MUC4: variants seen among roughly 807,000 people sequenced by gnomAD.
MUC4 encodes the protein mucin-4.
MUC4 carries 202 observed loss-of-function variants against 257.9 expected under a neutral mutation model. That is an observed-to-expected ratio of 0.78 (90% CI 0.70 to 0.88). The LOEUF (loss-of-function observed/expected upper bound fraction) is 0.88. Ranked by LOEUF, MUC4 falls within the 40% of genes least tolerant of loss-of-function variation. The pLI is 0.00. For missense variants in MUC4, 5,976 were observed against 6,513.7 expected, an observed-to-expected ratio of 0.92 and a Z score of 2.84; for synonymous variants, 2,351 against 2,757.1, an observed-to-expected ratio of 0.85 and a Z score of 4.62.
intron 14 of MUC4, 65 bp downstream of exon 14, chr3:195,762,022 G>C: frequency 2.0e-6 from 3 of 1,506,398 alleles, no homozygotes; most frequent in Non-Finnish European, 2.7e-6. Flanking sequence ...CCGGGCCGCC[G>C]GCGTGGGGGT....
Position 195,782,182 on chromosome 3 carries a change from T to C in MUC4, c.9398A>G (p.Gln3133Arg). 7.2e-7 allele frequency: 1 copy of C among 1,383,166 alleles called. No individual in the cohort carries two copies. The allele number at this position is 1,383,166 out of a possible 1,614,324, so 85.7% of individuals were successfully genotyped here. ...VTDTSSASTG[Q>R]ATALPVTSTS... Reference sequence around the variant, plus strand: ...GCTGGTGACAGGAAGAGCGGTGGCCTGACCTGTGGATGCTGAGGAAGTGTC... The same window carrying C: ...GCTGGTGACAGGAAGAGCGGTGGCCCGACCTGTGGATGCTGAGGAAGTGTC... Residue 3133 changes from glutamine (Q) to arginine (R), a missense_variant, in exon 2 of 25, where the codon CAG (glutamine) becomes CGG (arginine). Coordinates refer to ENST00000463781, the MANE Select transcript of MUC4 (RefSeq NM_018406.7).
intron 20 of MUC4, 175 bp from the exon 21 acceptor site, chr3:195,752,621 A>T (rs1459282970): frequency 1.8e-5 from 11 of 625,000 alleles, no homozygotes; most frequent in Non-Finnish European, 3.2e-5. Flanking sequence ...TCGCTGAAGA[A>T]ACCGGGAGAA....
chr3:195,748,661 A>G (rs1308099880), intron 24 of MUC4, among the ~76,000 whole-genome samples: 11 of 152,282 alleles, frequency 7.2e-5, no homozygotes, highest in Non-Finnish European at 1.5e-4. Context: ...TCTAAGCTGC[A>G]GTTTTCTCAT....
In MUC4 at chr3:195,771,828, G is replaced by C. The variant is rs1722945015; in HGVS notation, c.13078-12C>G. On this transcript the variant is annotated splice_polypyrimidine_tract_variant and intron_variant, in intron 4 of 24. Coordinates refer to ENST00000463781, the MANE Select transcript of MUC4 (RefSeq NM_018406.7). ...CCATTGTCTGTGAACTGAGCACATG[G>C]GTTTTGTGGTCAGCATTCAGGGAGG... 1.9e-6 allele frequency: 3 copies of C among 1,611,714 alleles called. No individual in the cohort carries two copies. In the East Asian group the frequency reaches 6.7e-5, roughly 36 times the overall value.
At chr3:195,803,031 C>T (rs1735549753) in intron 1 of MUC4, among the ~76,000 whole-genome samples, 1 of 152,136 alleles carries the variant, frequency 6.6e-6, no homozygotes, top group Non-Finnish European at 1.5e-5. Flanking sequence ...GTATACACTC[C>T]CTCCCTTTTC....
In MUC4 at chr3:195,754,278, C is replaced by A; in HGVS notation, c.15263G>T (p.Cys5088Phe). ...GGCCTCGCAGCCCTTCCCAGGAACG[C>A]AGTGGACACTCGGGAAGCACGGCTC... ...CEEPCFPSVH[C>F]VPGKGCEACP... is the part of the protein sequence containing the mutation. Residue 5088 changes from cysteine (C) to phenylalanine (F), a missense_variant, in exon 19 of 25, where the codon TGC becomes TTC. Cys to Phe is a radical substitution (Grantham distance 205). This residue lies in a region of MUC4 where 996 missense variants were observed against 1,137.3 expected (regional missense o/e 0.88). Coordinates refer to ENST00000463781, the MANE Select transcript of MUC4 (RefSeq NM_018406.7). 2 of 1,614,044 alleles carry A rather than the reference C, an allele frequency of 1.2e-6. No individual in the cohort carries two copies. The highest frequency in any genetic ancestry group is 1.7e-6 in the Non-Finnish European group (2 of 1,180,008).
rs770716697 is a variant in MUC4, at chr3:195,779,133, G to A, written c.12447C>T (p.Ile4149=). ...TGDTTPLPVT[I]PSSASSGHTT... ...TGTGACCTGAGGATGCTGAGGAAGG[G>A]ATGGTGACAGGAAGAGGCGTGGTGT... is the stretch of plus-strand genomic sequence containing the variant. The change falls in exon 2 of 25, where the codon ATC becomes ATT. Residue 4149 remains isoleucine (I), a synonymous_variant. Coordinates refer to ENST00000463781, the MANE Select transcript of MUC4 (RefSeq NM_018406.7). 65 of 1,519,614 alleles carry A rather than the reference G, an allele frequency of 4.3e-5. 6 individuals are homozygous for A. Among genetic ancestry groups the A allele is most frequent in the Admixed American group, 2.0e-5 (1 of 49,266 alleles). 94.1% of individuals were successfully genotyped at this position (1,519,614 alleles called of 1,614,324 possible). A position where few individuals can be genotyped will look rare whatever the true frequency, so the allele number is the denominator to read the frequency against.
intron 1 of MUC4, among the ~76,000 whole-genome samples, chr3:195,802,197 C>T (rs747397177): frequency 3.7e-4 from 57 of 152,222 alleles, no homozygotes; most frequent in Non-Finnish European, 1.2e-4. Context: ...CCCAGACATC[C>T]AGCCCAGAAA....
At chr3:195,762,309 C>T in intron 13 of MUC4, 55 bp from the exon 14 acceptor site, 1 of 1,505,092 alleles carries the variant, frequency 6.6e-7, no homozygotes, top group Non-Finnish European at 8.9e-7. Context: ...CGGCCCGCAC[C>T]AAACCCGCGC....
intron 12 of MUC4, 48 bp from the exon 13 acceptor site, chr3:195,762,993 G>A (rs928941298): frequency 3.5e-6 from 5 of 1,425,798 alleles, no homozygotes; most frequent in Non-Finnish European, 4.8e-6. Context: ...AGGTGGAGCC[G>A]ACGCCCAGGA....
At chr3:195,752,297 G>T in intron 21 of MUC4, 76 bp downstream of exon 21, 1 of 1,313,112 alleles carries the variant, frequency 7.6e-7, no homozygotes, top group Non-Finnish European at 1.1e-6. Context: ...GATGAAGGCC[G>T]CACAGCGATG....
In MUC4 at chr3:195,791,334, C is replaced by T. The variant is rs1294928429; in HGVS notation, c.246G>A (p.Thr82=). Residue 82 remains threonine (T), a synonymous_variant, in exon 2 of 25, where the codon ACG becomes ACA. Coordinates refer to ENST00000463781, the MANE Select transcript of MUC4 (RefSeq NM_018406.7). The part of the protein sequence containing the change: ...ASSQNHQTKS[T]ETTSKAQTDT... ...CGGTTTGAGCTTTGCTGGTGGTCTC[C>T]GTGCTCTTAGTCTGGTGGTTCTGAG... 15 of 1,613,764 alleles carry T rather than the reference C, an allele frequency of 9.3e-6. No homozygotes were observed. The highest frequency in any genetic ancestry group is 1.6e-4 in the Middle Eastern group (1 of 6,084).
At chr3:195,804,590 CCA>C (rs1465857314) in intron 1 of MUC4, among the ~76,000 whole-genome samples, 3 of 152,252 alleles carry the variant, frequency 2.0e-5, no homozygotes, top group Non-Finnish European at 4.4e-5. Flanking sequence ...AGCCGTATCG[CCA>C]CAGTGTTTCA....
intron 18 of MUC4, among the ~76,000 whole-genome samples, chr3:195,756,510 TTTCC>T (rs558994207): frequency 1.8e-3 from 280 of 151,470 alleles, no homozygotes; most frequent in Non-Finnish European, 3.4e-3. Flanking sequence ...TTCTTTCCTC[TTTCC>T]TTCCTTCCTT....
chr3:195,748,624 G>A (rs1220196782), intron 24 of MUC4, among the ~76,000 whole-genome samples: 1 of 152,274 alleles, frequency 6.6e-6, no homozygotes, highest in Non-Finnish European at 1.5e-5. Context: ...TTAACCTACT[G>A]CGTCCTGGGG....
chr3:195,790,342 G>T lies in MUC4; in HGVS notation c.1238C>A (p.Ser413Tyr). Residue 413 changes from serine to tyrosine, a missense_variant, in exon 2 of 25, where the codon TCT becomes TAT. Physicochemically the swap from Ser to Tyr is moderately radical, Grantham distance 144 (BLOSUM62 -2). This residue lies in a region of MUC4 where 1,583 missense variants were observed against 1,257.4 expected (regional missense o/e 1.26). Transcript: ENST00000463781. The stretch of plus-strand genomic sequence containing the variant: ...GATTGCAGAAATGGTTCCACTTACA[G>T]ATAGTGATGTCTCCTCTGTGTTTCC... The part of the protein sequence containing the change: ...TLGNTEETSL[S>Y]VSGTISAITS... 5 of 1,613,948 alleles carry T rather than the reference G, an allele frequency of 3.1e-6. No individual in the cohort carries two copies. The highest frequency in any genetic ancestry group is 4.2e-6 in the Non-Finnish European group (5 of 1,179,816).
At chr3:195,805,615 G>A (rs1467749183) in intron 1 of MUC4, among the ~76,000 whole-genome samples, 3 of 152,096 alleles carry the variant, frequency 2.0e-5, no homozygotes, top group Non-Finnish European at 4.4e-5. Context: ...TCCTGCCTCA[G>A]CCTCCTGAGT....
intron 1 of MUC4, among the ~76,000 whole-genome samples, chr3:195,794,166 G>A (rs1292898387): frequency 6.6e-6 from 1 of 151,378 alleles, no homozygotes; most frequent in African/African-American, 2.4e-5. Context: ...TTAAATATTG[G>A]CTTTTTTTGT....
chr3:195,798,884 C>T (rs1734922255), intron 1 of MUC4, among the ~76,000 whole-genome samples: 1 of 152,068 alleles, frequency 6.6e-6, no homozygotes, highest in South Asian at 2.1e-4. Context: ...TCCTTGCTTC[C>T]CCCTTTTGGA....
Sources: allele counts gnomAD v4.1 joint callset (sites outside exome capture counted in the v4.1 genomes callset), GRCh38; gene constraint gnomAD v4.1.1; regional missense constraint gnomAD v4.1.1; transcripts MANE v1.5; gene names NCBI Gene and HGNC (gene_info 2026-07-23, HGNC 2026-07-21).